Variants in TMEM255B observed in about 807,000 individuals in gnomAD.
TMEM255B encodes family with sequence similarity 70, member B.
TMEM255B carries 35 observed loss-of-function variants against 34.5 expected under a neutral mutation model. The ratio of observed to expected loss-of-function variants is 1.01; its 90% confidence interval spans 0.77 to 1.34. The LOEUF is 1.34. Ranked by LOEUF, TMEM255B falls within the 40% of genes most tolerant of loss-of-function variation. The pLI, the probability that TMEM255B is intolerant of heterozygous loss-of-function variation, is 0.00. For synonymous variants in TMEM255B, 206 were observed against 201.2 expected (o/e 1.02, Z -0.20); for missense variants, 432 against 433.2 (o/e 1.00, Z 0.02).
intron 3 of TMEM255B, among the ~76,000 whole-genome samples, chr13:113,773,243 G>C (rs542370681): frequency 2.3e-4 from 35 of 152,294 alleles, no homozygotes; most frequent in African/African-American, 7.9e-4. Flanking sequence ...GTTGTCCATT[G>C]CAAGTGTTTA....
At position 113,804,983 on chromosome 13, in the gene TMEM255B, G is replaced by A. The variant is rs56032548; in HGVS notation, c.768G>A (p.Thr256=). Residue 256 remains threonine (T), a synonymous_variant, in exon 8 of 9, where the codon ACG becomes ACA. Transcript: ENST00000375353. ...QILAYAGFRL[T]PEPVPTCSSY... ...TGGCCTACGCAGGCTTCCGCCTGAC[G>A]CCCGAGCCCGTCCCGACCTGCTCGT... The A allele has an allele frequency of 0.012, 19,734 of 1,606,308 alleles. 1,975 individuals carry two copies. In the African/African-American group the frequency reaches 0.22, roughly 18 times the overall value.
intron 1 of TMEM255B, among the ~76,000 whole-genome samples, chr13:113,761,635 C>T (rs902879157): frequency 7.9e-5 from 12 of 152,188 alleles, no homozygotes; most frequent in Non-Finnish European, 1.0e-4. Context: ...ATAGCCGCTA[C>T]GCCGTCTTAA....
rs76727142 is a variant in TMEM255B, at chr13:113,777,413, C to T, written c.252+8253C>T. ...CCTGTCAAGCCTGGTGGAGTGCCTGCCCGTTCCCAGTACAGGGCTGGACAG... is the reference window on the plus strand; with the variant it reads ...CCTGTCAAGCCTGGTGGAGTGCCTGTCCGTTCCCAGTACAGGGCTGGACAG... On this transcript the variant is annotated intron_variant, in intron 3 of 8. Transcript: ENST00000375353. 6.0e-3 allele frequency among the ~76,000 whole-genome samples: 916 copies of T among 152,302 alleles called. 6 individuals carry two copies. The highest frequency in any genetic ancestry group is 0.011 in the Non-Finnish European group (736 of 68,032).
At chr13:113,803,654 A>C (rs1221202446) in intron 7 of TMEM255B, among the ~76,000 whole-genome samples, 2 of 117,122 alleles carry the variant, frequency 1.7e-5, no homozygotes, top group African/African-American at 5.9e-5. Flanking sequence ...CCCCTCCCTC[A>C]CGGAGCACGA....
At chr13:113,778,533 T>A (rs968382478) in intron 3 of TMEM255B, among the ~76,000 whole-genome samples, 21 of 148,204 alleles carry the variant, frequency 1.4e-4, no homozygotes, top group Non-Finnish European at 2.7e-4. Flanking sequence ...TTCTCCCGGG[T>A]GAGTCTCGAT....
At chr13:113,781,297 T>A (rs1337212385) in intron 3 of TMEM255B, among the ~76,000 whole-genome samples, 2 of 152,214 alleles carry the variant, frequency 1.3e-5, no homozygotes, top group Non-Finnish European at 2.9e-5. Flanking sequence ...AGCCAATATG[T>A]TTACAAATAG....
intron 3 of TMEM255B, among the ~76,000 whole-genome samples, chr13:113,781,839 T>A (rs1303984164): frequency 2.0e-5 from 3 of 152,372 alleles, no homozygotes; most frequent in East Asian, 3.9e-4. Flanking sequence ...TTCTGACTTG[T>A]CCTAAACATC....
intron 3 of TMEM255B, among the ~76,000 whole-genome samples, chr13:113,775,817 C>T (rs1177416235): frequency 1.3e-5 from 2 of 152,254 alleles, no homozygotes; most frequent in African/African-American, 4.8e-5. Context: ...GATGAGGCCC[C>T]AGCTCTCCGT....
intron 8 of TMEM255B, among the ~76,000 whole-genome samples, chr13:113,808,802 GTTACTCCAT>G (rs2051239270): frequency 1.6e-5 from 1 of 62,658 alleles, no homozygotes; most frequent in Admixed American, 2.3e-4. Context: ...TGGGGGGGGG[GTTACTCCAT>G]GTTTCCTGGG....
rs529666997 is a variant in TMEM255B at position 113,787,533 on chromosome 13, G to A, written c.253-7615G>A. Among the ~76,000 whole-genome samples, 4 of 152,242 alleles carry A rather than the reference G, an allele frequency of 2.6e-5. No individual in the cohort carries two copies. The East Asian group carries it at 5.8e-4, about 22-fold the overall frequency. On this transcript the variant is annotated intron_variant, in intron 3 of 8. Transcript: ENST00000375353. ...GGTGTGGATGGTGCGAGTGTAGGGT[G>A]TAGACAGTGGCGACCATGTGGGGAG...
chr13:113,760,355 C>CTAT (rs528697388), intron 1 of TMEM255B, among the ~76,000 whole-genome samples: 3 of 151,970 alleles, frequency 2.0e-5, no homozygotes, highest in African/African-American at 7.3e-5. Context: ...ATAATGATAA[C>CTAT]TATTATTATT....
intron 3 of TMEM255B, among the ~76,000 whole-genome samples, chr13:113,788,888 C>G (rs942843823): frequency 1.4e-4 from 21 of 151,956 alleles, no homozygotes; most frequent in Non-Finnish European, 1.9e-4. Context: ...CGCCGCGCCT[C>G]CCTCCCTCCC....
chr13:113,766,032 CG>C, intron 1 of TMEM255B, 82 bp from the exon 2 acceptor site: 1 of 1,569,638 alleles, frequency 6.4e-7, no homozygotes. Context: ...CCCTGGGTAA[CG>C]GAGCACGGCC....
chr13:113,796,516 A>G (rs1159555679), intron 4 of TMEM255B, among the ~76,000 whole-genome samples: 1 of 151,010 alleles, frequency 6.6e-6, no homozygotes, highest in East Asian at 2.0e-4. Flanking sequence ...CAGAGCACAC[A>G]GCACACACAC....
intron 3 of TMEM255B, among the ~76,000 whole-genome samples, chr13:113,776,646 C>T (rs571973831): frequency 7.2e-5 from 11 of 152,298 alleles, no homozygotes; most frequent in African/African-American, 1.4e-4. Context: ...TCCCTGGGCA[C>T]GCCTGGTTAG....
chr13:113,807,273 G>A (rs533083506), intron 8 of TMEM255B, among the ~76,000 whole-genome samples: 20 of 151,346 alleles, frequency 1.3e-4, no homozygotes, highest in South Asian at 4.2e-4. Context: ...GGTCCTTCCC[G>A]TCACACGCAG....
At chr13:113,764,044 A>C (rs911213126) in intron 1 of TMEM255B, among the ~76,000 whole-genome samples, 1 of 149,892 alleles carries the variant, frequency 6.7e-6, no homozygotes, top group African/African-American at 2.4e-5. Flanking sequence ...CGGTCACTTG[A>C]GGGGAGTGTC....
In TMEM255B at chr13:113,805,844, T is replaced by C. The variant is rs534235098; in HGVS notation, c.813+816T>C. On this transcript the variant is annotated intron_variant, in intron 8 of 8. Coordinates refer to ENST00000375353, the MANE Select transcript of TMEM255B (RefSeq NM_182614.4). ...CTGGTCCTGATAAACGTGGGCTTCC[T>C]TTCTGGGTGGGAGGCACTGCCCACA... Among the ~76,000 whole-genome samples the C allele has an allele frequency of 3.3e-5, 5 of 152,176 alleles. No individual in the cohort carries two copies. In the East Asian group the frequency reaches 9.7e-4, roughly 29 times the overall value.
Position 113,811,860 on chromosome 13 carries a change from C to A in TMEM255B, c.938C>A (p.Thr313Asn), listed in dbSNP as rs1367988581. Residue 313 changes from threonine (T) to asparagine (N), a missense_variant, in exon 9 of 9, where the codon ACC becomes AAC. Coordinates refer to ENST00000375353, the MANE Select transcript of TMEM255B (RefSeq NM_182614.4). ...CAGGCTCCACCGTGCTACGCACCCA[C>A]CTACTTTCCCCCGGGGGAGAAGCCA... ...PGQAPPCYAP[T>N]YFPPGEKPPP... is the part of the protein sequence containing the mutation. 1 of 1,613,702 alleles carries A rather than the reference C, an allele frequency of 6.2e-7. No individual in the cohort carries two copies. Among genetic ancestry groups the A allele is most frequent in the Non-Finnish European group, 8.5e-7 (1 of 1,179,746 alleles).
Sources: gnomAD v4.1 joint callset for allele counts (sites outside exome capture counted in the v4.1 genomes callset) on GRCh38, gnomAD v4.1.1 for gene constraint, MANE v1.5 for transcripts, NCBI Gene and HGNC (gene_info 2026-07-23, HGNC 2026-07-21) for gene names.